The following CADM2 variants were observed in gnomAD, a reference collection of about 807,000 sequenced individuals.
CADM2 encodes cell adhesion molecule 2, also known as immunoglobulin superfamily member 4D.
CADM2 carries 12 observed loss-of-function variants against 49.8 expected under a neutral mutation model. The ratio of observed to expected loss-of-function variants is 0.24; its 90% CI spans 0.15 to 0.39. The LOEUF is 0.39. Ranked by LOEUF, CADM2 falls within the 10% of genes least tolerant of loss-of-function variation. The pLI is 1.00. For missense variants in CADM2, 378 were observed against 492.3 expected (o/e 0.77, Z 2.20); for synonymous variants, 214 against 175.4 (o/e 1.22, Z -1.74).
intron 1 of CADM2, among the ~76,000 whole-genome samples, chr3:85,095,008 A>G (rs2037740201): frequency 6.6e-6 from 1 of 152,196 alleles, no homozygotes; most frequent in Non-Finnish European, 1.5e-5. Flanking sequence ...TAATCTTTTG[A>G]TAGTACTTTC....
intron 1 of CADM2, among the ~76,000 whole-genome samples, chr3:85,377,841 T>C (rs2033681049): frequency 6.6e-6 from 1 of 151,946 alleles, no homozygotes; most frequent in Non-Finnish European, 1.5e-5. Flanking sequence ...TCTTCCAAAA[T>C]GTGGGCCCAG....
At chr3:84,997,378 C>T in intron 1 of CADM2, among the ~76,000 whole-genome samples, 1 of 151,872 alleles carries the variant, frequency 6.6e-6, no homozygotes, top group East Asian at 1.9e-4. Context: ...ACCGATTTTT[C>T]CACTAGTTTA....
chr3:85,133,449 C>A (rs1258925473), intron 1 of CADM2, among the ~76,000 whole-genome samples: 1 of 152,112 alleles, frequency 6.6e-6, no homozygotes, highest in African/African-American at 2.4e-5. Context: ...TCTCCAAGGC[C>A]CCACCAGAGT....
At chr3:85,749,220 T>C (rs1289835665) in intron 2 of CADM2, among the ~76,000 whole-genome samples, 3 of 151,736 alleles carry the variant, frequency 2.0e-5, no homozygotes, top group African/African-American at 7.3e-5. Flanking sequence ...AAAAAACTGA[T>C]ATCAAATGTA....
chr3:84,970,569 A>G (rs1473500538), intron 1 of CADM2, among the ~76,000 whole-genome samples: 1 of 151,962 alleles, frequency 6.6e-6, no homozygotes, highest in African/African-American at 2.4e-5. Context: ...GATATTATTA[A>G]CTAGACTAGC....
At chr3:85,191,766 G>A (rs1389895126) in intron 1 of CADM2, among the ~76,000 whole-genome samples, 2 of 152,096 alleles carry the variant, frequency 1.3e-5, no homozygotes, top group Admixed American at 1.3e-4. Context: ...AACCCTGATA[G>A]GCAATGATGA....
chr3:85,079,962 T>C (rs1575822200), intron 1 of CADM2, among the ~76,000 whole-genome samples: 3 of 151,876 alleles, frequency 2.0e-5, no homozygotes, highest in Admixed American at 6.6e-5. Context: ...TGATACACTA[T>C]TGGAAACCAA....
At chr3:86,057,834 GA>G (rs894845061) in intron 8 of CADM2, among the ~76,000 whole-genome samples, 32 of 151,542 alleles carry the variant, frequency 2.1e-4, no homozygotes, top group East Asian at 3.9e-4. Context: ...CATCATGATA[GA>G]AAAAAAAGGA....
chr3:85,991,782 C>T (rs912867401), intron 8 of CADM2, among the ~76,000 whole-genome samples: 2 of 152,134 alleles, frequency 1.3e-5, no homozygotes, highest in African/African-American at 4.8e-5. Context: ...GGAATTTGGA[C>T]TTATTAATAT....
chr3:85,955,398 T>C (rs960775147), intron 7 of CADM2, among the ~76,000 whole-genome samples: 3 of 151,474 alleles, frequency 2.0e-5, no homozygotes, highest in African/African-American at 7.3e-5. Flanking sequence ...ACCAGGAAGA[T>C]TCTTTTCCTA....
At position 85,730,776 on chromosome 3, in the gene CADM2, G is replaced by GA. The variant is rs562644173; in HGVS notation, c.88+4234dup. 4.5e-4 allele frequency among the ~76,000 whole-genome samples: 69 copies of GA among 152,138 alleles called. 1 individual carries two copies. The highest frequency in any genetic ancestry group is 1.6e-3 in the African/African-American group (66 of 41,516). On this transcript the variant is annotated intron_variant, in intron 2 of 9. Coordinates refer to ENST00000383699, the MANE Select transcript of CADM2 (RefSeq NM_001167675.2). The stretch of plus-strand genomic sequence containing the variant: ...CAATTTTTTAAATAGCTTTAACCCA[G>GA]AAAAAATATTTTTAGTCTTTAATCC...
chr3:85,951,959 A>G (rs1229098946), intron 7 of CADM2, among the ~76,000 whole-genome samples: 1 of 151,040 alleles, frequency 6.6e-6, no homozygotes, highest in Non-Finnish European at 1.5e-5. Flanking sequence ...AGGGAAGTGA[A>G]CGGGAGAGGG....
chr3:85,563,411 T>TGTGGGGGG (rs138726875), intron 1 of CADM2, among the ~76,000 whole-genome samples: 3 of 142,044 alleles, frequency 2.1e-5, no homozygotes, highest in Middle Eastern at 3.4e-3. Flanking sequence ...TGTGTGTGTG[T>TGTGGGGGG]GGGGGGGTGG....
intron 3 of CADM2, among the ~76,000 whole-genome samples, chr3:85,829,752 G>A (rs1379441280): frequency 6.6e-6 from 1 of 151,894 alleles, no homozygotes; most frequent in African/African-American, 2.4e-5. Flanking sequence ...TCACATATAA[G>A]TGAGATTACA....
intron 1 of CADM2, among the ~76,000 whole-genome samples, chr3:85,301,348 G>T (rs575038717): frequency 9.9e-4 from 150 of 152,116 alleles, no homozygotes; most frequent in Admixed American, 1.6e-3. Context: ...TAGTATTCGT[G>T]TTTCCCAGTG....
In CADM2 at chr3:85,804,642, C is replaced by G. The variant is rs568197119; in HGVS notation, c.238+2446C>G. 3.3e-5 allele frequency among the ~76,000 whole-genome samples: 5 copies of G among 152,170 alleles called. No individual in the cohort carries two copies. In the East Asian group the frequency reaches 9.7e-4, roughly 29 times the overall value. On this transcript the variant is annotated intron_variant, in intron 3 of 9. Coordinates refer to ENST00000383699, the MANE Select transcript of CADM2 (RefSeq NM_001167675.2). ...CAAAGACAAAATCTATATGAAATGC[C>G]CTTGCCTCCACTTTTAGTGATTCTA...
At chr3:85,122,227 G>C (rs2038888840) in intron 1 of CADM2, among the ~76,000 whole-genome samples, 1 of 151,958 alleles carries the variant, frequency 6.6e-6, no homozygotes, top group African/African-American at 2.4e-5. Flanking sequence ...TAATCTCTCA[G>C]TTTTAATTGA....
chr3:85,090,122 T>A (rs78704414), intron 1 of CADM2, among the ~76,000 whole-genome samples: 3 of 152,182 alleles, frequency 2.0e-5, no homozygotes, highest in African/African-American at 7.2e-5. Flanking sequence ...AAAAGGCGTA[T>A]TTTGAACATA....
chr3:84,984,717 C>T (rs1230675042), intron 1 of CADM2, among the ~76,000 whole-genome samples: 1 of 152,168 alleles, frequency 6.6e-6, no homozygotes, highest in African/African-American at 2.4e-5. Context: ...AAGACATTCT[C>T]ATTCTGAAAC....
Sources: allele counts gnomAD v4.1 joint callset (sites outside exome capture counted in the v4.1 genomes callset), GRCh38; gene constraint gnomAD v4.1.1; transcripts MANE v1.5; gene names NCBI Gene and HGNC (gene_info 2026-07-23, HGNC 2026-07-21).